The following PPARGC1A variants were observed in gnomAD, a reference collection of about 807,000 sequenced individuals.
PPARGC1A encodes the protein PPARG coactivator 1 alpha.
Under a neutral mutation model 88.7 loss-of-function variants are expected in PPARGC1A, and 25 were observed. The observed-to-expected ratio is 0.28, with a 90% confidence interval of 0.21 to 0.39. The LOEUF is 0.39. Among genes scored for constraint, PPARGC1A ranks in the 10% least tolerant of loss-of-function variants. PPARGC1A has a pLI of 1.00. For missense variants in PPARGC1A, 880 were observed against 968.7 expected (o/e 0.91, Z 1.22); for synonymous variants, 363 against 355.6 (o/e 1.02, Z -0.24).
At chr4:24,030,321 A>T in the PPARGC1A span, among the ~76,000 whole-genome samples, 1 of 152,170 alleles carries the variant, frequency 6.6e-6, no homozygotes, top group Non-Finnish European at 1.5e-5. Context: ...CTCTAACACA[A>T]AAATGCAGTT....
chr4:24,132,358 C>T, the PPARGC1A span, among the ~76,000 whole-genome samples: 2 of 151,722 alleles, frequency 1.3e-5, no homozygotes, highest in East Asian at 1.9e-4. Context: ...GTGAAGAAAG[C>T]GATAACTGCT....
chr4:23,960,713 G>A, the PPARGC1A span, among the ~76,000 whole-genome samples: 1 of 152,114 alleles, frequency 6.6e-6, no homozygotes, highest in East Asian at 1.9e-4. Flanking sequence ...TAACAAGCAA[G>A]TTCAATTAGC....
chr4:24,167,845 C>T, the PPARGC1A span, among the ~76,000 whole-genome samples: 1 of 152,186 alleles, frequency 6.6e-6, no homozygotes, highest in African/African-American at 2.4e-5. Context: ...CCTCCACCCC[C>T]TGGGCTCAAG....
chr4:23,910,254 TTATA>T, the PPARGC1A span, among the ~76,000 whole-genome samples: 3 of 103,976 alleles, frequency 2.9e-5, no homozygotes, highest in East Asian at 2.1e-4. Context: ...TAAATATATA[TTATA>T]TATATTAATA....
At chr4:24,054,350 A>G in the PPARGC1A span, among the ~76,000 whole-genome samples, 1 of 151,320 alleles carries the variant, frequency 6.6e-6, no homozygotes, top group African/African-American at 2.4e-5. Flanking sequence ...CTTATAATGC[A>G]TGTTTGTCAG....
chr4:24,422,784 A>G, the PPARGC1A span, among the ~76,000 whole-genome samples: 13 of 152,220 alleles, frequency 8.5e-5, no homozygotes, highest in Non-Finnish European at 2.9e-5. Context: ...TGCACAAATT[A>G]CTTCTGAAAC....
At chr4:24,468,979 T>C in the PPARGC1A span, among the ~76,000 whole-genome samples, 11 of 26,638 alleles carry the variant, frequency 4.1e-4, no homozygotes, top group East Asian at 5.6e-3. Context: ...AAAAGCTTGA[T>C]TTTTTTTTAG....
At chr4:24,239,636 A>G in the PPARGC1A span, among the ~76,000 whole-genome samples, 1 of 152,220 alleles carries the variant, frequency 6.6e-6, no homozygotes, top group Non-Finnish European at 1.5e-5. Context: ...ATGTCAGGGG[A>G]AAATAGTGCA....
At chr4:24,273,396 A>G in the PPARGC1A span, among the ~76,000 whole-genome samples, 1 of 152,184 alleles carries the variant, frequency 6.6e-6, no homozygotes. Flanking sequence ...GAAATGCAGC[A>G]TTTTAGAGGC....
chr4:24,074,711 C>T, the PPARGC1A span, among the ~76,000 whole-genome samples: 2 of 152,234 alleles, frequency 1.3e-5, no homozygotes, highest in East Asian at 3.9e-4. Flanking sequence ...GGTGCTAACT[C>T]CCAGTGCCTG....
At chr4:23,956,185 G>A in the PPARGC1A span, among the ~76,000 whole-genome samples, 3 of 152,110 alleles carry the variant, frequency 2.0e-5, no homozygotes, top group Non-Finnish European at 4.4e-5. Flanking sequence ...TGGATTTGGT[G>A]TGAGGGCTGG....
the PPARGC1A span, among the ~76,000 whole-genome samples, chr4:24,157,419 T>A: frequency 2.1e-4 from 32 of 152,180 alleles, no homozygotes; most frequent in Non-Finnish European, 4.0e-4. Flanking sequence ...TCCAAACATC[T>A]TCTCAACTCC....
chr4:24,134,886 T>TG, the PPARGC1A span, among the ~76,000 whole-genome samples: 1 of 152,176 alleles, frequency 6.6e-6, no homozygotes, highest in Non-Finnish European at 1.5e-5. Context: ...AAATTTGTTG[T>TG]CAAAAGTGGA....
At chr4:23,846,159 C>A (rs1002283472) in intron 2 of PPARGC1A, among the ~76,000 whole-genome samples, 2 of 152,156 alleles carry the variant, frequency 1.3e-5, no homozygotes, top group African/African-American at 4.8e-5. Flanking sequence ...GTAAGATTTA[C>A]AGAACGATGA....
the PPARGC1A span, among the ~76,000 whole-genome samples, chr4:23,953,814 G>T: frequency 1.3e-5 from 2 of 151,958 alleles, no homozygotes; most frequent in African/African-American, 4.8e-5. Flanking sequence ...AGAGATATGT[G>T]CCAAGAAGAA....
chr4:23,903,780 T>C (rs1346005102), upstream of PPARGC1A, among the ~76,000 whole-genome samples: 2 of 152,020 alleles, frequency 1.3e-5, no homozygotes, highest in Admixed American at 6.6e-5. Context: ...CTACAACAAA[T>C]CCTCCACACT....
intron 2 of PPARGC1A, among the ~76,000 whole-genome samples, chr4:23,864,723 G>A (rs558025857): frequency 7.2e-5 from 11 of 152,326 alleles, no homozygotes; most frequent in African/African-American, 2.6e-4. Flanking sequence ...ACATAAACAA[G>A]AAGTTAGGCA....
chr4:23,909,133 A>G, the PPARGC1A span, among the ~76,000 whole-genome samples: 1 of 152,276 alleles, frequency 6.6e-6, no homozygotes, highest in East Asian at 1.9e-4. Flanking sequence ...TCTCCGAAAC[A>G]TCCTAGAATG....
chr4:24,328,064 T>C, the PPARGC1A span, among the ~76,000 whole-genome samples: 3 of 151,850 alleles, frequency 2.0e-5, no homozygotes, highest in East Asian at 1.9e-4. Flanking sequence ...TTTCCATTAC[T>C]TTCCCAAATC....
Sources: gnomAD v4.1 joint callset for allele counts (sites outside exome capture counted in the v4.1 genomes callset) on GRCh38, gnomAD v4.1.1 for gene constraint, MANE v1.5 for transcripts, NCBI Gene and HGNC (gene_info 2026-07-23, HGNC 2026-07-21) for gene names.